The following CACNA2D4 variants were observed in gnomAD, a reference collection of about 807,000 sequenced individuals.
CACNA2D4 encodes voltage-dependent calcium channel subunit alpha-2/delta-4.
A neutral mutation model predicts 163.8 loss-of-function variants in CACNA2D4; 157 were observed. The ratio of observed to expected loss-of-function variants is 0.96; its 90% CI spans 0.84 to 1.09. The LOEUF is 1.09. Among genes scored for constraint, CACNA2D4 ranks in the 50% least tolerant of loss-of-function variants. The pLI, the probability that CACNA2D4 is intolerant of heterozygous loss-of-function variation, is 0.00. For missense variants in CACNA2D4, 1,410 were observed against 1,479.9 expected (o/e 0.95, Z 0.78); for synonymous variants, 598 against 586.9 (o/e 1.02, Z -0.27).
At chr12:1,842,401 C>A (rs1865045350) in intron 25 of CACNA2D4, among the ~76,000 whole-genome samples, 1 of 152,218 alleles carries the variant, frequency 6.6e-6, no homozygotes, top group Non-Finnish European at 1.5e-5. Flanking sequence ...ACCCTGGAGG[C>A]AGCTCGTCCT....
rs753518210 is a variant in CACNA2D4 at position 1,800,451 on chromosome 12, G to T, written c.2869-13C>A. On this transcript the variant is annotated splice_polypyrimidine_tract_variant and intron_variant, in intron 31 of 37. Transcript: ENST00000382722. The stretch of plus-strand genomic sequence containing the variant: ...AGGCAGAAATTGGCTGGGAAGGAGA[G>T]AGTGCACACCGCTCGCACCTAGGTC... 6.2e-7 allele frequency: 1 copy of T among 1,613,646 alleles called. No individual in the cohort carries two copies. Among genetic ancestry groups the T allele is most frequent in the Non-Finnish European group, 8.5e-7 (1 of 1,179,690 alleles).
intron 13 of CACNA2D4, among the ~76,000 whole-genome samples, chr12:1,882,599 G>A (rs1041692774): frequency 1.3e-5 from 2 of 152,300 alleles, no homozygotes; most frequent in South Asian, 4.1e-4. Flanking sequence ...AACAACTTCG[G>A]AGCAGGGACC....
At chr12:1,812,582 C>T (rs972163794) in intron 26 of CACNA2D4, among the ~76,000 whole-genome samples, 7 of 152,252 alleles carry the variant, frequency 4.6e-5, no homozygotes, top group African/African-American at 7.2e-5. Context: ...GCGCTTAGAA[C>T]GTGTCCAGCA....
Position 1,832,469 on chromosome 12 carries a change from A to G in CACNA2D4, c.2551+8270T>C, listed in dbSNP as rs1248815439. Among the ~76,000 whole-genome samples, 13 of 152,356 alleles carry G rather than the reference A, an allele frequency of 8.5e-5. No homozygotes were observed. In the East Asian group the frequency reaches 2.3e-3, roughly 27 times the overall value. On this transcript the variant is annotated intron_variant, in intron 26 of 37. Transcript: ENST00000382722. ...AAATACTAAGTGGACTTGAAACACC[A>G]TTTGGCACGAAGAAGATGCTCAATG...
intron 3 of CACNA2D4, 101 bp from the exon 4 acceptor site, chr12:1,910,066 T>A (rs1866777992): frequency 1.1e-6 from 1 of 898,330 alleles, no homozygotes; most frequent in South Asian, 1.4e-5. Context: ...ATCCCACTCC[T>A]GGGTGTATGC....
intron 26 of CACNA2D4, among the ~76,000 whole-genome samples, chr12:1,812,250 G>T (rs1863737737): frequency 6.6e-6 from 1 of 152,174 alleles, no homozygotes; most frequent in East Asian, 1.9e-4. Context: ...TTATAAGGAG[G>T]CTCTTTTCCA....
At chr12:1,815,403 T>C (rs7964245) in intron 26 of CACNA2D4, among the ~76,000 whole-genome samples, 83,141 of 150,622 alleles carry the variant, frequency 0.55, 25,167 homozygotes, top group Non-Finnish European at 0.66. Flanking sequence ...CTCAGCCCAA[T>C]ATCATCTCCT....
chr12:1,911,724 C>T (rs1331655405), intron 3 of CACNA2D4, among the ~76,000 whole-genome samples: 2 of 152,152 alleles, frequency 1.3e-5, no homozygotes, highest in Non-Finnish European at 2.9e-5. Context: ...GCCTGGAGCC[C>T]CAGCCTCTGG....
At chr12:1,793,906 CTA>C (rs1863041897) in intron 37 of CACNA2D4, 147 bp from the exon 38 acceptor site, 1 of 643,556 alleles carries the variant, frequency 1.6e-6, no homozygotes, top group Non-Finnish European at 2.7e-6. Context: ...TCTTAGGCCC[CTA>C]CCTTTTGGGG....
At chr12:1,831,482 C>A (rs1349844028) in intron 26 of CACNA2D4, 3 of 1,613,812 alleles carry the variant, frequency 1.9e-6, no homozygotes, top group African/African-American at 2.7e-5. Flanking sequence ...GTGACTGTAA[C>A]CTGCGTGAGT....
In CACNA2D4 at chr12:1,834,927, C is replaced by A. The variant is rs539384056; in HGVS notation, c.2551+5812G>T. 45 of 913,086 alleles carry A rather than the reference C, an allele frequency of 4.9e-5. 1 individual carries two copies. The South Asian group carries it at 7.7e-4, about 16-fold the overall frequency. 56.6% of individuals were successfully genotyped at this position (913,086 alleles called of 1,614,324 possible). On this transcript the variant is annotated intron_variant, in intron 26 of 37. Transcript: ENST00000382722. This position sits in a 1 kb window ranked among gnomAD's most constrained non-coding sequence, Gnocchi z 7.6. ...ACCGTGCTGGGGGCTCCTGCTGATG[C>A]TCCTGTCTGGGCCAGTAAATCTTTG...
intron 20 of CACNA2D4, 61 bp downstream of exon 20, chr12:1,858,516 T>G (rs1254404945): frequency 2.7e-6 from 4 of 1,489,426 alleles, no homozygotes; most frequent in Admixed American, 3.4e-5. Context: ...CCCTGCCCAG[T>G]GTCCCATGAG....
At chr12:1,890,878 T>C (rs1866265334) in intron 6 of CACNA2D4, among the ~76,000 whole-genome samples, 1 of 152,184 alleles carries the variant, frequency 6.6e-6, no homozygotes, top group Non-Finnish European at 1.5e-5. Flanking sequence ...CTCAACTTCC[T>C]GGTACCACCA....
At chr12:1,914,786 C>G in intron 2 of CACNA2D4, 68 bp downstream of exon 2, 1 of 1,054,146 alleles carries the variant, frequency 9.5e-7, no homozygotes, top group Non-Finnish European at 1.5e-6. Flanking sequence ...ACAGCACCGG[C>G]ATTTGGGGGC....
intron 29 of CACNA2D4, among the ~76,000 whole-genome samples, chr12:1,803,482 C>T (rs1469563873): frequency 6.6e-6 from 1 of 152,202 alleles, no homozygotes; most frequent in East Asian, 1.9e-4. Flanking sequence ...CCAAATTGGA[C>T]TTAAATAACA....
intron 29 of CACNA2D4, among the ~76,000 whole-genome samples, chr12:1,804,216 A>G (rs1262654779): frequency 6.6e-6 from 1 of 150,902 alleles, no homozygotes; most frequent in Non-Finnish European, 1.5e-5. Flanking sequence ...ACAGAAATCC[A>G]CTTCTGTCCC....
intron 28 of CACNA2D4, 68 bp downstream of exon 28, chr12:1,810,475 C>A: frequency 6.6e-7 from 1 of 1,521,094 alleles, no homozygotes; most frequent in Non-Finnish European, 8.9e-7. Flanking sequence ...GGGAAGCTGG[C>A]CTGCCAGGAG....
intron 26 of CACNA2D4, 26 bp downstream of exon 26, chr12:1,840,713 C>G: frequency 6.2e-7 from 1 of 1,602,140 alleles, no homozygotes; most frequent in Non-Finnish European, 8.6e-7. Context: ...GCTTCCTGGC[C>G]TCAACACCAC....
chr12:1,805,647 G>A (rs1366876875), intron 29 of CACNA2D4, among the ~76,000 whole-genome samples: 1 of 152,158 alleles, frequency 6.6e-6, no homozygotes, highest in Non-Finnish European at 1.5e-5. Flanking sequence ...GTGGGGGTGG[G>A]GCAGCACTGC....
Sources: allele counts gnomAD v4.1 joint callset (sites outside exome capture counted in the v4.1 genomes callset), GRCh38; gene constraint gnomAD v4.1.1; non-coding constraint Gnocchi (gnomAD v3.1); transcripts MANE v1.5; gene names NCBI Gene and HGNC (gene_info 2026-07-23, HGNC 2026-07-21).